The following IDO2 variants were observed in gnomAD, a reference collection of about 807,000 sequenced individuals.
The protein encoded by IDO2 is indoleamine 2,3-dioxygenase-like 1 protein.
In IDO2, 46 loss-of-function variants were observed where a neutral mutation model predicts 45.1. That is an observed-to-expected ratio of 1.02 (90% CI 0.80 to 1.30). The LOEUF is 1.30. Ranked by LOEUF, IDO2 falls within the 50% of genes most tolerant of loss-of-function variation. IDO2 has a pLI of 0.00. For missense variants in IDO2, 544 were observed against 491.8 expected, an observed-to-expected ratio of 1.11 and a Z score of -1.00; for synonymous variants, 218 against 184.9, an observed-to-expected ratio of 1.18 and a Z score of -1.45.
chr8:39,943,835 C>T (rs1563423388), intron 1 of IDO2, among the ~76,000 whole-genome samples: 1 of 151,676 alleles, frequency 6.6e-6, no homozygotes, highest in Non-Finnish European at 1.5e-5. Flanking sequence ...AAGACAAGCA[C>T]GCCAACTCTC....
chr8:40,013,320 G>T (rs940078426), intron 9 of IDO2, among the ~76,000 whole-genome samples: 3 of 152,068 alleles, frequency 2.0e-5, no homozygotes, highest in African/African-American at 7.2e-5. Context: ...TCTCTAAATA[G>T]CCTTTACCTC....
chr8:39,954,290 C>T (rs1372898239), intron 2 of IDO2, among the ~76,000 whole-genome samples: 1 of 152,136 alleles, frequency 6.6e-6, no homozygotes, highest in Admixed American at 6.6e-5. Flanking sequence ...GAGATGAGGA[C>T]CCCCTATTCA....
intron 3 of IDO2, among the ~76,000 whole-genome samples, chr8:39,971,335 A>G (rs1808176581): frequency 6.6e-6 from 1 of 152,208 alleles, no homozygotes. Context: ...AGAAAAAAAT[A>G]TTCCTTTCAA....
intron 2 of IDO2, among the ~76,000 whole-genome samples, chr8:39,961,320 CTTT>C (rs57577433): frequency 3.8e-4 from 40 of 106,106 alleles, no homozygotes; most frequent in East Asian, 9.2e-4. Context: ...TTGTATACTT[CTTT>C]TTTTTTTTTT....
At chr8:40,003,368 CAAAA>C (rs1172335332) in intron 8 of IDO2, among the ~76,000 whole-genome samples, 51,653 of 117,960 alleles carry the variant, frequency 0.44, 10,823 homozygotes, top group South Asian at 0.54. Flanking sequence ...GACTCCATCT[CAAAA>C]AAAAAAAAAA....
At chr8:40,004,630 T>C (rs1369362915) in intron 8 of IDO2, among the ~76,000 whole-genome samples, 1 of 152,118 alleles carries the variant, frequency 6.6e-6, no homozygotes, top group Non-Finnish European at 1.5e-5. Flanking sequence ...AAGATAGGCA[T>C]ATGCCAGGTG....
intron 3 of IDO2, 75 bp downstream of exon 3, chr8:39,963,778 G>A (rs956916773): frequency 2.7e-5 from 23 of 842,260 alleles, no homozygotes; most frequent in Non-Finnish European, 4.2e-5. Flanking sequence ...CCTTGTGGAA[G>A]TGTGTCAATT....
intron 8 of IDO2, among the ~76,000 whole-genome samples, chr8:40,000,488 A>G (rs1802118973): frequency 6.6e-6 from 1 of 152,108 alleles, no homozygotes; most frequent in African/African-American, 2.4e-5. Flanking sequence ...AACCTTGTCT[A>G]AAAAGAATTA....
At chr8:39,937,428 CT>C (rs1202011951) in intron 1 of IDO2, among the ~76,000 whole-genome samples, 1 of 151,912 alleles carries the variant, frequency 6.6e-6, no homozygotes, top group African/African-American at 2.4e-5. Flanking sequence ...TAATAAGTAA[CT>C]TTTTGTTGGC....
chr8:40,007,584 T>G (rs1001383584), intron 9 of IDO2, among the ~76,000 whole-genome samples: 8 of 152,350 alleles, frequency 5.3e-5, no homozygotes, highest in African/African-American at 1.9e-4. Context: ...AAAAATTTCA[T>G]GCTACCACAT....
At position 39,979,308 on chromosome 8, in the gene IDO2, G is replaced by A. The variant is rs968255173; in HGVS notation, c.315+122G>A. On this transcript the variant is annotated intron_variant, in intron 4 of 10. Transcript: ENST00000502986. ...ATGGGTACTTTCTTCTTCTCGATGG[G>A]CATCAGTTTAAGCAACGATGAAGGG... 1.7e-5 allele frequency: 17 copies of A among 1,006,316 alleles called. No individual in the cohort carries two copies. In the African/African-American group the frequency reaches 2.3e-4, roughly 14 times the overall value. 62.3% of individuals were successfully genotyped at this position (1,006,316 alleles called of 1,614,324 possible).
At chr8:40,004,575 T>C (rs894274497) in intron 8 of IDO2, among the ~76,000 whole-genome samples, 1 of 139,096 alleles carries the variant, frequency 7.2e-6, no homozygotes, top group African/African-American at 2.6e-5. Context: ...AGACGATAGA[T>C]AGATAGATAG....
intron 3 of IDO2, among the ~76,000 whole-genome samples, chr8:39,971,203 C>T (rs527730755): frequency 6.6e-6 from 1 of 152,274 alleles, no homozygotes; most frequent in African/African-American, 2.4e-5. Context: ...GGGCCCTTAC[C>T]AGCTATGCTA....
At chr8:39,988,489 T>G (rs1284784325) in intron 7 of IDO2, among the ~76,000 whole-genome samples, 2 of 152,212 alleles carry the variant, frequency 1.3e-5, no homozygotes, top group African/African-American at 4.8e-5. Context: ...CAGAGTGCAA[T>G]GGCGTGGTTT....
rs545946616 is a variant in IDO2 at position 39,990,583 on chromosome 8, G to C, written c.667+745G>C. On this transcript the variant is annotated intron_variant, in intron 8 of 10. Coordinates refer to ENST00000502986, the Ensembl canonical transcript of IDO2. The stretch of plus-strand genomic sequence containing the variant: ...CAACTGCCTTTCCAACATTGGCCTT[G>C]TGCCACCCTTTTTATTGATGCTCAT... Among the ~76,000 whole-genome samples, 3 of 152,286 alleles carry C rather than the reference G, an allele frequency of 2.0e-5. No individual in the cohort carries two copies. In the South Asian group the frequency reaches 6.2e-4, roughly 32 times the overall value.
chr8:40,003,669 T>G (rs1297880376), intron 8 of IDO2, among the ~76,000 whole-genome samples: 5 of 152,182 alleles, frequency 3.3e-5, no homozygotes. Context: ...ATAAATCATA[T>G]TGTTTGAGTA....
intron 2 of IDO2, among the ~76,000 whole-genome samples, chr8:39,956,673 A>C (rs1487141279): frequency 6.6e-6 from 1 of 152,180 alleles, no homozygotes; most frequent in Non-Finnish European, 1.5e-5. Flanking sequence ...AAATATAGTA[A>C]TAGTAATAAC....
At chr8:39,942,034 A>C (rs991332281) in intron 1 of IDO2, among the ~76,000 whole-genome samples, 26 of 152,250 alleles carry the variant, frequency 1.7e-4, no homozygotes, top group African/African-American at 5.5e-4. Context: ...TGAAGGATAC[A>C]GTAAGCTATG....
At chr8:39,938,450 A>G (rs1339358711) in intron 1 of IDO2, among the ~76,000 whole-genome samples, 1 of 152,156 alleles carries the variant, frequency 6.6e-6, no homozygotes, top group East Asian at 1.9e-4. Context: ...TAATATACTA[A>G]TAAACTCATT....
Sources: gnomAD v4.1 joint callset for allele counts (sites outside exome capture counted in the v4.1 genomes callset) on GRCh38, gnomAD v4.1.1 for gene constraint, MANE v1.5 for transcripts, NCBI Gene and HGNC (gene_info 2026-07-23, HGNC 2026-07-21) for gene names.